The following KCND2 variants were observed in gnomAD, a reference collection of about 807,000 sequenced individuals.
KCND2 encodes A-type voltage-gated potassium channel KCND2.
A neutral mutation model predicts 54.4 loss-of-function variants in KCND2; 16 were observed. The observed-to-expected ratio is 0.29, with a 90% CI of 0.20 to 0.45. The LOEUF is 0.45. KCND2 is among the 20% of genes least tolerant of loss of function. KCND2 has a pLI of 1.00. For synonymous variants in KCND2, 317 were observed against 310.7 expected (o/e 1.02, Z -0.21); for missense variants, 486 against 824.2 (o/e 0.59, Z 5.02).
chr7:120,464,667 A>G (rs1802342096), intron 1 of KCND2, among the ~76,000 whole-genome samples: 1 of 152,180 alleles, frequency 6.6e-6, no homozygotes, highest in African/African-American at 2.4e-5. Context: ...GGCTCAGGGG[A>G]AGAATGCACT....
At chr7:120,306,459 A>C (rs1019608737) in intron 1 of KCND2, among the ~76,000 whole-genome samples, 8 of 152,220 alleles carry the variant, frequency 5.3e-5, no homozygotes, top group Non-Finnish European at 8.8e-5. Context: ...CAAAACAGCA[A>C]AGTTTAGATG....
At chr7:120,617,766 T>A (rs1173685951) in intron 1 of KCND2, among the ~76,000 whole-genome samples, 1 of 152,196 alleles carries the variant, frequency 6.6e-6, no homozygotes, top group East Asian at 1.9e-4. Context: ...AACAGTGGAC[T>A]GGATAAAGAA....
At chr7:120,647,883 G>A (rs6466754) in intron 1 of KCND2, among the ~76,000 whole-genome samples, 53,538 of 151,892 alleles carry the variant, frequency 0.35, 10,585 homozygotes, top group African/African-American at 0.51. Flanking sequence ...CCACATATAC[G>A]GTATATGCAT....
chr7:120,426,197 T>C (rs1801703647), intron 1 of KCND2, among the ~76,000 whole-genome samples: 1 of 152,138 alleles, frequency 6.6e-6, no homozygotes, highest in South Asian at 2.1e-4. Flanking sequence ...CTGAATTCCT[T>C]AAACATATAA....
intron 1 of KCND2, among the ~76,000 whole-genome samples, chr7:120,387,610 G>C (rs12539149): frequency 0.67 from 101,814 of 151,802 alleles, 38,755 homozygotes; most frequent in South Asian, 0.91. Flanking sequence ...TTTATAAATT[G>C]GTTAGGAAAA....
At chr7:120,708,708 A>G (rs1007184604) in intron 1 of KCND2, among the ~76,000 whole-genome samples, 1 of 152,070 alleles carries the variant, frequency 6.6e-6, no homozygotes, top group Non-Finnish European at 1.5e-5. Context: ...CTAATGTTTT[A>G]TAGCTGAATT....
At chr7:120,463,124 C>T (rs1446590798) in intron 1 of KCND2, among the ~76,000 whole-genome samples, 3 of 151,946 alleles carry the variant, frequency 2.0e-5, no homozygotes, top group African/African-American at 7.2e-5. Context: ...TTTGAGTATC[C>T]ACTTTTTAGA....
intron 1 of KCND2, among the ~76,000 whole-genome samples, chr7:120,595,589 G>GTA: frequency 2.5e-5 from 1 of 40,454 alleles, no homozygotes; most frequent in African/African-American, 6.4e-5. Context: ...ATGTGTGTGT[G>GTA]TGTATATATA....
intron 1 of KCND2, among the ~76,000 whole-genome samples, chr7:120,463,848 G>T (rs1461118509): frequency 6.6e-6 from 1 of 151,934 alleles, no homozygotes; most frequent in Non-Finnish European, 1.5e-5. Flanking sequence ...AACTGTGCAT[G>T]TTTATTATTG....
intron 1 of KCND2, among the ~76,000 whole-genome samples, chr7:120,640,191 A>T (rs1474952990): frequency 6.6e-6 from 1 of 152,110 alleles, no homozygotes; most frequent in East Asian, 1.9e-4. Context: ...TCCTTTTTAG[A>T]TGATATATAT....
chr7:120,734,517 G>T (rs1792847430), intron 2 of KCND2, among the ~76,000 whole-genome samples: 1 of 152,036 alleles, frequency 6.6e-6, no homozygotes, highest in South Asian at 2.1e-4. Flanking sequence ...TGGCTCCCAG[G>T]TTCATATACA....
chr7:120,509,313 T>C (rs1803077495), intron 1 of KCND2, among the ~76,000 whole-genome samples: 1 of 152,174 alleles, frequency 6.6e-6, no homozygotes, highest in South Asian at 2.1e-4. Flanking sequence ...GCTTCATTAA[T>C]TATACAAATG....
At chr7:120,654,392 C>T (rs894192647) in intron 1 of KCND2, among the ~76,000 whole-genome samples, 6 of 152,050 alleles carry the variant, frequency 3.9e-5, no homozygotes, top group Non-Finnish European at 8.8e-5. Flanking sequence ...TTAATTGTTG[C>T]AATTTATATG....
chr7:120,500,586 A>G (rs897779989), intron 1 of KCND2, among the ~76,000 whole-genome samples: 5 of 152,046 alleles, frequency 3.3e-5, no homozygotes, highest in Non-Finnish European at 7.4e-5. Context: ...CACTTTAAAT[A>G]TCTAGGGTGA....
At chr7:120,622,187 G>A (rs1009213238) in intron 1 of KCND2, among the ~76,000 whole-genome samples, 1 of 152,004 alleles carries the variant, frequency 6.6e-6, no homozygotes, top group East Asian at 1.9e-4. Context: ...GATGTTATGC[G>A]GGATTTTAAT....
At chr7:120,540,964 A>C (rs892266216) in intron 1 of KCND2, among the ~76,000 whole-genome samples, 7 of 152,170 alleles carry the variant, frequency 4.6e-5, no homozygotes, top group Admixed American at 1.3e-4. Context: ...ATGTCTTTTC[A>C]ATTTATTGAA....
intron 1 of KCND2, among the ~76,000 whole-genome samples, chr7:120,620,129 A>G (rs1483614189): frequency 6.6e-6 from 1 of 152,164 alleles, no homozygotes; most frequent in Non-Finnish European, 1.5e-5. Flanking sequence ...AAGTCCACTA[A>G]TTATGAAAAG....
At chr7:120,645,336 C>A (rs955859958) in intron 1 of KCND2, among the ~76,000 whole-genome samples, 1 of 151,986 alleles carries the variant, frequency 6.6e-6, no homozygotes, top group Non-Finnish European at 1.5e-5. Context: ...GTTCTGTGGC[C>A]CATGACTAGT....
chr7:120,342,344 T>A (rs982124149), intron 1 of KCND2, among the ~76,000 whole-genome samples: 1 of 152,180 alleles, frequency 6.6e-6, no homozygotes, highest in Non-Finnish European at 1.5e-5. Context: ...ATTTGGTGAA[T>A]GCTAGTTCTC....
Sources: allele counts gnomAD v4.1 joint callset (sites outside exome capture counted in the v4.1 genomes callset), GRCh38; gene constraint gnomAD v4.1.1; transcripts MANE v1.5; gene names NCBI Gene and HGNC (gene_info 2026-07-23, HGNC 2026-07-21).